Variants in NRXN1 observed in about 807,000 individuals in gnomAD.
The protein encoded by NRXN1 is neurexin 1.
A neutral mutation model predicts 150.9 loss-of-function variants in NRXN1; 39 were observed. That is an observed-to-expected ratio of 0.26 (90% CI 0.20 to 0.34). NRXN1 has a LOEUF of 0.34. NRXN1 is among the 10% of genes least tolerant of loss of function. NRXN1 has a pLI of 1.00. For synonymous variants in NRXN1, 924 were observed against 757.0 expected, an observed-to-expected ratio of 1.22 and a Z score of -3.62; for missense variants, 1,815 against 1,949.9, an observed-to-expected ratio of 0.93 and a Z score of 1.30.
At chr2:50,712,721 G>C (rs1695336541) in intron 5 of NRXN1, among the ~76,000 whole-genome samples, 1 of 152,052 alleles carries the variant, frequency 6.6e-6, no homozygotes, top group Non-Finnish European at 1.5e-5. Flanking sequence ...GAATTTATTT[G>C]AGCTGCTCCC....
At chr2:50,199,537 T>TATACAC (rs1553749389) in intron 18 of NRXN1, among the ~76,000 whole-genome samples, 9 of 149,442 alleles carry the variant, frequency 6.0e-5, no homozygotes, top group African/African-American at 2.2e-4. Context: ...CTCTTTCTTA[T>TATACAC]ACACACACAC....
At chr2:50,474,873 C>G (rs1394279695) in intron 15 of NRXN1, among the ~76,000 whole-genome samples, 1 of 146,896 alleles carries the variant, frequency 6.8e-6, no homozygotes, top group African/African-American at 2.5e-5. Flanking sequence ...AGAACTCACC[C>G]CATTGAGTTA....
rs75045341 is a variant in NRXN1, at chr2:50,555,345, T to C, written c.1321-2320A>G. Among the ~76,000 whole-genome samples the C allele has an allele frequency of 9.5e-4, 144 of 152,196 alleles. 3 individuals carry two copies. In the East Asian group the frequency reaches 0.021, roughly 22 times the overall value. On this transcript the variant is annotated intron_variant, in intron 8 of 22. Transcript: ENST00000401669. The stretch of plus-strand genomic sequence containing the variant: ...GAATCTGACATCAGCCACCACAAAG[T>C]TGAAGAATGAGGGGCAGTCTAAGTC...
At chr2:50,615,342 T>C (rs1284588077) in intron 8 of NRXN1, 1 of 152,160 alleles carries the variant, frequency 6.6e-6, no homozygotes, top group Non-Finnish European at 1.5e-5. Context: ...AAAAACAAAC[T>C]TCAAATAAAG....
chr2:50,917,477 CATGGAA>C (rs1685377486), intron 5 of NRXN1: 1 of 151,660 alleles, frequency 6.6e-6, no homozygotes, highest in South Asian at 2.1e-4. Flanking sequence ...AAATAAAAAT[CATGGAA>C]ACTGTGTGAT....
At chr2:50,706,110 G>A (rs1195626264) in intron 5 of NRXN1, among the ~76,000 whole-genome samples, 1 of 152,162 alleles carries the variant, frequency 6.6e-6, no homozygotes, top group Non-Finnish European at 1.5e-5. Context: ...TTGCTATCAT[G>A]AGGTTCTTGT....
rs564534172 is a variant in NRXN1, at chr2:50,530,201, G to A, written c.2347+1026C>T. Among the ~76,000 whole-genome samples, 101 of 152,190 alleles carry A rather than the reference G, an allele frequency of 6.6e-4. 1 individual carries two copies. Among genetic ancestry groups the A allele is most frequent in the African/African-American group, 2.3e-3 (96 of 41,546 alleles). ...TGATAACACTGAAAATTTGGGCAGA[G>A]TATTTATTCTTCCTTTGATATGAGC... On this transcript the variant is annotated intron_variant, in intron 11 of 22. Transcript: ENST00000401669.
intron 17 of NRXN1, among the ~76,000 whole-genome samples, chr2:50,352,495 A>G (rs1225217521): frequency 6.6e-6 from 1 of 152,030 alleles, no homozygotes; most frequent in Non-Finnish European, 1.5e-5. Flanking sequence ...CAGCACTAAT[A>G]TTTTAAAAAT....
chr2:50,224,023 T>C (rs2064130494), intron 18 of NRXN1, among the ~76,000 whole-genome samples: 1 of 151,976 alleles, frequency 6.6e-6, no homozygotes, highest in Admixed American at 6.6e-5. Context: ...AAGAGACTTA[T>C]AATAGAAAAT....
intron 5 of NRXN1, among the ~76,000 whole-genome samples, chr2:50,841,608 T>C (rs1422370066): frequency 6.6e-6 from 1 of 152,242 alleles, no homozygotes; most frequent in Non-Finnish European, 1.5e-5. Flanking sequence ...TTTAGAGTGC[T>C]TGTTTCTGGC....
At chr2:50,841,715 GA>G (rs906699929) in intron 5 of NRXN1, among the ~76,000 whole-genome samples, 6 of 151,970 alleles carry the variant, frequency 3.9e-5, no homozygotes, top group African/African-American at 7.2e-5. Context: ...ATGTCTTTGG[GA>G]AAAAAAATTG....
chr2:50,764,021 C>CTTT (rs11458761), intron 5 of NRXN1, among the ~76,000 whole-genome samples: 1 of 142,750 alleles, frequency 7.0e-6, no homozygotes, highest in Non-Finnish European at 1.5e-5. Flanking sequence ...TCCGTTGGCC[C>CTTT]TTTTTTTTTT....
intron 2 of NRXN1, among the ~76,000 whole-genome samples, chr2:50,992,151 C>T (rs1698629286): frequency 6.6e-6 from 1 of 151,886 alleles, no homozygotes; most frequent in Non-Finnish European, 1.5e-5. Context: ...ATAAAGGTCT[C>T]CTCCAAAAGC....
intron 21 of NRXN1, among the ~76,000 whole-genome samples, chr2:49,997,034 T>C (rs1379158953): frequency 6.6e-6 from 1 of 152,202 alleles, no homozygotes; most frequent in African/African-American, 2.4e-5. Flanking sequence ...GTTTGAGTTA[T>C]AAAGAAGGTG....
chr2:50,356,895 C>T (rs1360886326), intron 17 of NRXN1, among the ~76,000 whole-genome samples: 2 of 152,038 alleles, frequency 1.3e-5, no homozygotes, highest in African/African-American at 4.8e-5. Flanking sequence ...TTGCTTTAGG[C>T]ACCTAATCAA....
Position 50,148,168 on chromosome 2 carries a change from A to AT in NRXN1, c.3547-56675dup, listed in dbSNP as rs1008443321. ...TCTGGTATCTGTGAGTGTGAAACTA[A>AT]TTTTTTTTTAAGTTGTAAGTCATTT... On this transcript the variant is annotated intron_variant, in intron 18 of 22. Transcript: ENST00000401669. Among the ~76,000 whole-genome samples, 207 of 151,100 alleles carry AT rather than the reference A, an allele frequency of 1.4e-3. 1 individual carries two copies. Among genetic ancestry groups the AT allele is most frequent in the African/African-American group, 4.8e-3 (196 of 41,258 alleles).
At chr2:50,658,253 G>A (rs1483117971) in intron 5 of NRXN1, among the ~76,000 whole-genome samples, 1 of 151,836 alleles carries the variant, frequency 6.6e-6, no homozygotes, top group Non-Finnish European at 1.5e-5. Context: ...TCAAAACAAC[G>A]CTAGCTGAGG....
chr2:50,555,067 C>A (rs1191820440), intron 8 of NRXN1, among the ~76,000 whole-genome samples: 18 of 152,110 alleles, frequency 1.2e-4, no homozygotes, highest in Admixed American at 1.2e-3. Flanking sequence ...GATGATTTTC[C>A]AAGTTTTATC....
At chr2:50,453,255 C>A (rs1384709537) in intron 17 of NRXN1, among the ~76,000 whole-genome samples, 1 of 152,130 alleles carries the variant, frequency 6.6e-6, no homozygotes, top group African/African-American at 2.4e-5. Flanking sequence ...TTTCAGAGCA[C>A]TACCTCCCAG....
Sources: allele counts gnomAD v4.1 joint callset (sites outside exome capture counted in the v4.1 genomes callset), GRCh38; gene constraint gnomAD v4.1.1; transcripts MANE v1.5; gene names NCBI Gene and HGNC (gene_info 2026-07-23, HGNC 2026-07-21).